Variants in SACM1L observed in about 807,000 individuals in gnomAD.
SACM1L encodes the protein SAC1 like phosphatidylinositide phosphatase.
In SACM1L, 32 loss-of-function variants were observed where a neutral mutation model predicts 89.5. That is an observed-to-expected ratio of 0.36 (90% CI 0.27 to 0.48). The LOEUF is 0.48. SACM1L is among the 20% of genes least tolerant of loss of function. The probability of loss-of-function intolerance (pLI) is 0.99; values close to 1 mark genes in which losing one functional copy is unlikely to be tolerated. For synonymous variants in SACM1L, 213 were observed against 232.8 expected (o/e 0.92, Z 0.77); for missense variants, 543 against 708.5 (o/e 0.77, Z 2.65).
intron 1 of SACM1L, among the ~76,000 whole-genome samples, chr3:45,694,503 A>G (rs535930328): frequency 4.6e-5 from 7 of 152,306 alleles, no homozygotes; most frequent in African/African-American, 1.7e-4. Flanking sequence ...AGCACAGACA[A>G]TATGGGGTTT....
intron 11 of SACM1L, 141 bp from the exon 12 acceptor site, chr3:45,731,160 T>C: frequency 2.0e-6 from 1 of 490,554 alleles, no homozygotes. Context: ...CCTACAAAGT[T>C]GGCTCAGACA....
chr3:45,722,938 A>T lies in SACM1L; in HGVS notation c.835A>T (p.Ser279Cys). 1 of 1,613,442 alleles carries T rather than the reference A, an allele frequency of 6.2e-7. No individual in the cohort carries two copies. The highest frequency in any genetic ancestry group is 1.1e-5 in the South Asian group (1 of 91,036). Reference protein sequence around the residue: ...NLKYKPLPQISKVANHMDGFQ... With the variant: ...NLKYKPLPQICKVANHMDGFQ... ...CAAGTACAAACCACTGCCACAGATC[A>T]GCAAAGTAGCAAATCACGTGTGTAT... Residue 279 changes from serine to cysteine, a missense_variant, in exon 10 of 20, where the codon AGC becomes TGC. Around this residue, in one of 2 missense-constraint regions of SACM1L, gnomAD observed 370 missense variants for 527.6 expected, o/e 0.70. Coordinates refer to ENST00000389061, the MANE Select transcript of SACM1L (RefSeq NM_014016.5).
At chr3:45,720,751 T>C (rs1698771171) in intron 8 of SACM1L, among the ~76,000 whole-genome samples, 1 of 152,216 alleles carries the variant, frequency 6.6e-6, no homozygotes, top group African/African-American at 2.4e-5. Context: ...TGACAAGTAA[T>C]CTCATAAAGT....
chr3:45,740,072 CAA>C (rs1699283389), intron 19 of SACM1L, among the ~76,000 whole-genome samples: 1 of 151,390 alleles, frequency 6.6e-6, no homozygotes, highest in South Asian at 2.1e-4. Context: ...GGAATGGAAA[CAA>C]AAGGGGAGGG....
At chr3:45,727,559 G>C (rs1281922823) in intron 11 of SACM1L, among the ~76,000 whole-genome samples, 2 of 152,094 alleles carry the variant, frequency 1.3e-5, no homozygotes, top group African/African-American at 4.8e-5. Context: ...ATTCATCTCT[G>C]TCTGATTGTT....
At chr3:45,726,869 CTTTTTT>C (rs1158423503) in intron 11 of SACM1L, among the ~76,000 whole-genome samples, 2 of 52,340 alleles carry the variant, frequency 3.8e-5, no homozygotes, top group Non-Finnish European at 7.7e-5. Flanking sequence ...TGCTTTATTT[CTTTTTT>C]TTTTTTTTTT....
intron 7 of SACM1L, among the ~76,000 whole-genome samples, 170 bp downstream of exon 7, chr3:45,714,249 T>TTTTTTTTTTTTA (rs1161692708): frequency 6.6e-6 from 1 of 151,770 alleles, no homozygotes; most frequent in African/African-American, 2.4e-5. Context: ...TTGTTTTTTT[T>TTTTTTTTTTTTA]TTTTTTAGAA....
At chr3:45,702,382 G>C (rs1245138678) in intron 1 of SACM1L, among the ~76,000 whole-genome samples, 1 of 152,144 alleles carries the variant, frequency 6.6e-6, no homozygotes, top group Non-Finnish European at 1.5e-5. Context: ...AAAAGAAAAA[G>C]CCCTCAGATT....
At chr3:45,710,192 T>C (rs1387206359) in intron 5 of SACM1L, among the ~76,000 whole-genome samples, 1 of 151,952 alleles carries the variant, frequency 6.6e-6, no homozygotes, top group Non-Finnish European at 1.5e-5. Flanking sequence ...TAAGGTTTTT[T>C]TTATTTTGCT....
rs769079017 is a variant in SACM1L, at chr3:45,737,785, C to T, written c.1323C>T (p.Asn441=). 1.2e-5 allele frequency: 19 copies of T among 1,613,792 alleles called. No homozygotes were observed. Among genetic ancestry groups the T allele is most frequent in the Admixed American group, 1.7e-5 (1 of 59,954 alleles). Residue 441 remains asparagine, a synonymous_variant, in exon 16 of 20, where the codon AAC becomes AAT. Coordinates refer to ENST00000389061, the MANE Select transcript of SACM1L (RefSeq NM_014016.5). ...TTTTTTCTACAGCCTGGGCTGACAA[C>T]GCAAATGCTTGTGCCAAGCAATATG... ...EKIYKNAWAD[N]ANACAKQYAG...
chr3:45,730,362 T>C (rs1452833306), intron 11 of SACM1L, among the ~76,000 whole-genome samples: 1 of 134,104 alleles, frequency 7.5e-6, no homozygotes, highest in Non-Finnish European at 1.6e-5. Context: ...TTTTTTTTTT[T>C]TGAGACTTTT....
chr3:45,718,707 A>G (rs1298779883), intron 7 of SACM1L, among the ~76,000 whole-genome samples: 1 of 152,168 alleles, frequency 6.6e-6, no homozygotes, highest in African/African-American at 2.4e-5. Flanking sequence ...TGTTTATTAT[A>G]TTTCATAATA....
intron 5 of SACM1L, among the ~76,000 whole-genome samples, chr3:45,710,116 TGC>T (rs1698489169): frequency 6.6e-6 from 1 of 152,224 alleles, no homozygotes; most frequent in Non-Finnish European, 1.5e-5. Context: ...TCTGTAGTGA[TGC>T]TTATTTATAA....
At chr3:45,736,834 T>G (rs1699209737) in intron 14 of SACM1L, among the ~76,000 whole-genome samples, 1 of 152,152 alleles carries the variant, frequency 6.6e-6, no homozygotes, top group African/African-American at 2.4e-5. Context: ...TGTCTACTTG[T>G]GCCTCTCCAA....
intron 3 of SACM1L, 76 bp downstream of exon 3, chr3:45,705,285 T>A (rs1575390162): frequency 3.6e-6 from 3 of 822,498 alleles, no homozygotes; most frequent in East Asian, 5.0e-5. Flanking sequence ...AGAGTGAGTA[T>A]ACGATGAAGT....
intron 11 of SACM1L, among the ~76,000 whole-genome samples, chr3:45,723,935 T>A (rs1698847349): frequency 6.8e-6 from 1 of 146,090 alleles, no homozygotes; most frequent in African/African-American, 2.6e-5. Context: ...CCATTGTGTA[T>A]GTGTATGCAT....
At chr3:45,694,435 A>T (rs1028660125) in intron 1 of SACM1L, among the ~76,000 whole-genome samples, 3 of 152,230 alleles carry the variant, frequency 2.0e-5, no homozygotes, top group African/African-American at 7.2e-5. Context: ...TATTATTCAC[A>T]GAAGTCTCCC....
chr3:45,705,108 T>A (rs374184158), intron 2 of SACM1L, 27 bp from the exon 3 acceptor site: 1 of 1,511,188 alleles, frequency 6.6e-7, no homozygotes, highest in Non-Finnish European at 9.1e-7. Context: ...TTGTATGTGA[T>A]TTTTCTTTCT....
intron 7 of SACM1L, among the ~76,000 whole-genome samples, chr3:45,717,930 A>C (rs1698699553): frequency 6.6e-6 from 1 of 152,222 alleles, no homozygotes; most frequent in South Asian, 2.1e-4. Context: ...ATAAATACAT[A>C]AATAATTTTT....
Sources: gnomAD v4.1 joint callset for allele counts (sites outside exome capture counted in the v4.1 genomes callset) on GRCh38, gnomAD v4.1.1 for gene constraint, gnomAD v4.1.1 regional missense constraint, MANE v1.5 for transcripts, NCBI Gene and HGNC (gene_info 2026-07-23, HGNC 2026-07-21) for gene names.